The following PTPN13 variants were observed in gnomAD, a reference collection of about 807,000 sequenced individuals.
PTPN13 encodes the protein tyrosine-protein phosphatase non-receptor type 13.
Under a neutral mutation model 284.0 loss-of-function variants are expected in PTPN13, and 191 were observed. The ratio of observed to expected loss-of-function variants is 0.67; its 90% CI spans 0.60 to 0.76. The LOEUF is 0.76. Among genes scored for constraint, PTPN13 ranks in the 30% least tolerant of loss-of-function variants. The pLI, the probability that PTPN13 is intolerant of heterozygous loss-of-function variation, is 0.00. For missense variants in PTPN13, 2,797 were observed against 2,939.9 expected, an observed-to-expected ratio of 0.95 and a Z score of 1.12; for synonymous variants, 986 against 1,022.3, an observed-to-expected ratio of 0.96 and a Z score of 0.68.
At position 86,811,096 on chromosome 4, in the gene PTPN13, G is replaced by A. The variant is rs753411723; in HGVS notation, c.7350G>A (p.Met2450Ile). The change falls in exon 47 of 48, where the codon ATG becomes ATA. Residue 2450 changes from methionine (M) to isoleucine (I), a missense_variant. Transcript: ENST00000411767. ...VRCMRLQRHG[M>I]VQTEDQYIFC... ...GCATGAGACTACAAAGACACGGAAT[G>A]GTTCAGACAGAGGTGAGTCATGGCT... is the stretch of plus-strand genomic sequence containing the variant. 6.2e-7 allele frequency: 1 copy of A among 1,613,290 alleles called. No individual in the cohort carries two copies. Among genetic ancestry groups the A allele is most frequent in the South Asian group, 1.1e-5 (1 of 90,980 alleles).
intron 4 of PTPN13, 97 bp downstream of exon 4, chr4:86,686,872 A>G (rs1003720318): frequency 7.1e-6 from 6 of 839,822 alleles, no homozygotes; most frequent in Middle Eastern, 3.2e-4. Context: ...GTTCTACAGC[A>G]TGCTGTCAGG....
chr4:86,646,219 A>G (rs1724403461), intron 2 of PTPN13, among the ~76,000 whole-genome samples: 1 of 152,086 alleles, frequency 6.6e-6, no homozygotes. Context: ...AGAATTAAAA[A>G]CATCCACTCT....
intron 1 of PTPN13, among the ~76,000 whole-genome samples, chr4:86,620,437 G>A (rs1053121342): frequency 6.6e-6 from 1 of 152,130 alleles, no homozygotes; most frequent in African/African-American, 2.4e-5. Context: ...TGGGATTATA[G>A]GTATGAGCAC....
intron 2 of PTPN13, among the ~76,000 whole-genome samples, chr4:86,662,466 G>C (rs1726613785): frequency 6.6e-6 from 1 of 151,952 alleles, no homozygotes; most frequent in Admixed American, 6.6e-5. Flanking sequence ...CAAATACCTG[G>C]AACTATAAGC....
At position 86,689,765 on chromosome 4, in the gene PTPN13, C is replaced by G. The variant is rs1039191802; in HGVS notation, c.546+575C>G. On this transcript the variant is annotated intron_variant, in intron 5 of 47. Coordinates refer to ENST00000411767, the MANE Select transcript of PTPN13 (RefSeq NM_080683.3). ...CTCTTGTTTTGGATATGAAGAATCC[C>G]AAGAATAACCAATGCTATATATTAC... 3 of 701,910 alleles carry G rather than the reference C, an allele frequency of 4.3e-6. No individual in the cohort carries two copies. The African/African-American group carries it at 5.2e-5, about 12-fold the overall frequency. The allele number at this position is 701,910 out of a possible 1,614,324, so 43.5% of individuals were successfully genotyped here. A position where few individuals can be genotyped will look rare whatever the true frequency, so the allele number is the denominator to read the frequency against.
chr4:86,788,611 A>G (rs889927247), intron 40 of PTPN13, among the ~76,000 whole-genome samples: 2 of 152,206 alleles, frequency 1.3e-5, no homozygotes, highest in African/African-American at 2.4e-5. Flanking sequence ...CTCTTAGTGA[A>G]GTACTTCAGG....
intron 2 of PTPN13, among the ~76,000 whole-genome samples, chr4:86,644,386 C>G (rs1724173952): frequency 6.6e-6 from 1 of 152,150 alleles, no homozygotes; most frequent in South Asian, 2.1e-4. Context: ...GCGACCCGCT[C>G]GCATCAGCCT....
At chr4:86,809,659 C>T in intron 45 of PTPN13, 110 bp from the exon 46 acceptor site, 2 of 1,014,350 alleles carry the variant, frequency 2.0e-6, no homozygotes, top group Non-Finnish European at 3.0e-6. Flanking sequence ...CCACTGCACT[C>T]CAGCCTGGAC....
At chr4:86,737,608 C>G (rs1219046689) in intron 15 of PTPN13, among the ~76,000 whole-genome samples, 9 of 151,828 alleles carry the variant, frequency 5.9e-5, no homozygotes, top group Non-Finnish European at 1.2e-4. Flanking sequence ...TCCCCTCCCC[C>G]TACCTGTAAT....
chr4:86,770,386 A>G (rs925661005), intron 30 of PTPN13, among the ~76,000 whole-genome samples, 187 bp downstream of exon 30: 1 of 152,230 alleles, frequency 6.6e-6, no homozygotes, highest in African/African-American at 2.4e-5. Flanking sequence ...ATAATAATAC[A>G]AAGTAATTTA....
intron 17 of PTPN13, among the ~76,000 whole-genome samples, chr4:86,748,668 T>G (rs1416941292): frequency 2.0e-5 from 3 of 152,218 alleles, no homozygotes; most frequent in Non-Finnish European, 4.4e-5. Flanking sequence ...ATGGAAATTT[T>G]TTTTTTTAAT....
intron 1 of PTPN13, among the ~76,000 whole-genome samples, chr4:86,629,024 G>T (rs1722166602): frequency 6.6e-6 from 1 of 151,966 alleles, no homozygotes; most frequent in African/African-American, 2.4e-5. Flanking sequence ...ACCCAGTCAG[G>T]ACATAGGCGT....
At position 86,701,526 on chromosome 4, in the gene PTPN13, G is replaced by T. The variant is rs779075338; in HGVS notation, c.920G>T (p.Cys307Phe). 1.1e-5 allele frequency: 18 copies of T among 1,613,892 alleles called. No individual in the cohort carries two copies. In the South Asian group the frequency reaches 2.0e-4, roughly 18 times the overall value. Reference sequence around the variant, plus strand: ...TGGGCTTCATCCATGGACTTGCTTTGTACAGCTGACAGAGACTTCTCTTCA... The same window carrying T: ...TGGGCTTCATCCATGGACTTGCTTTTTACAGCTGACAGAGACTTCTCTTCA... ...KIWASSMDLL[C>F]TADRDFSSGE... The change falls in exon 7 of 48, where the codon TGT becomes TTT. Residue 307 changes from cysteine (C) to phenylalanine (F), a missense_variant. Cys to Phe is a radical substitution (Grantham distance 205, BLOSUM62 -2). Coordinates refer to ENST00000411767, the MANE Select transcript of PTPN13 (RefSeq NM_080683.3).
chr4:86,716,514 G>C lies in PTPN13; in HGVS notation c.1196-16G>C. ...AATGAGTTTGCTTTCTAATCTTTTT[G>C]TTTTAATCCTTTTAGAACCAGTTCG... On this transcript the variant is annotated splice_polypyrimidine_tract_variant and intron_variant, in intron 7 of 47. Transcript: ENST00000411767. The C allele has an allele frequency of 6.8e-7, 1 of 1,477,292 alleles. No homozygotes were observed. Among genetic ancestry groups the C allele is most frequent in the Non-Finnish European group, 9.2e-7 (1 of 1,086,440 alleles). The allele number at this position is 1,477,292 out of a possible 1,614,324, so 91.5% of individuals were successfully genotyped here. A position where few individuals can be genotyped will look rare whatever the true frequency, so the allele number is the denominator to read the frequency against.
rs151161356 is a variant in PTPN13, at chr4:86,604,283, G to A, written c.-6+9494G>A. 3.6e-3 allele frequency among the ~76,000 whole-genome samples: 541 copies of A among 152,102 alleles called. 3 individuals are homozygous for A. The highest frequency in any genetic ancestry group is 0.012 in the African/African-American group (514 of 41,550). The stretch of plus-strand genomic sequence containing the variant: ...ATATATATCTCAAAAGGTTTTGTAA[G>A]CTTTATTCCTGAATTATACACATAT... On this transcript the variant is annotated intron_variant, in intron 1 of 47. Transcript: ENST00000411767.
intron 1 of PTPN13, among the ~76,000 whole-genome samples, chr4:86,595,386 C>T (rs1292335812): frequency 6.6e-6 from 1 of 151,944 alleles, no homozygotes; most frequent in Non-Finnish European, 1.5e-5. Flanking sequence ...GGCCCCCTAG[C>T]CCCACCGCTT....
chr4:86,727,088 T>A (rs1236995542), intron 10 of PTPN13, among the ~76,000 whole-genome samples: 1 of 149,690 alleles, frequency 6.7e-6, no homozygotes, highest in Non-Finnish European at 1.5e-5. Context: ...TTTTTGTAGT[T>A]GTTTCTGTTT....
intron 7 of PTPN13, among the ~76,000 whole-genome samples, chr4:86,706,344 G>A (rs1731763707): frequency 6.6e-6 from 1 of 152,120 alleles, no homozygotes; most frequent in Admixed American, 6.6e-5. Flanking sequence ...GTTACTGCCT[G>A]GGACATTGGA....
intron 10 of PTPN13, among the ~76,000 whole-genome samples, chr4:86,728,300 G>C (rs569050512): frequency 6.7e-6 from 1 of 149,484 alleles, no homozygotes; most frequent in East Asian, 1.9e-4. Flanking sequence ...TGTTGATTTG[G>C]GGTGGTGAGT....
Sources: gnomAD v4.1 joint callset for allele counts (sites outside exome capture counted in the v4.1 genomes callset) on GRCh38, gnomAD v4.1.1 for gene constraint, MANE v1.5 for transcripts, NCBI Gene and HGNC (gene_info 2026-07-23, HGNC 2026-07-21) for gene names.